ADAM19: variants seen among roughly 807,000 people sequenced by gnomAD.
ADAM19 encodes the protein ADAM metallopeptidase domain 19, also known as disintegrin and metalloproteinase domain-containing protein 19.
Under a neutral mutation model 114.7 loss-of-function variants are expected in ADAM19, and 65 were observed. That is an observed-to-expected ratio of 0.57 (90% CI 0.46 to 0.70). The LOEUF (loss-of-function observed/expected upper bound fraction) is 0.70, where lower values mean the gene tolerates loss of function less well. ADAM19 is among the 30% of genes least tolerant of loss of function. The pLI, the probability that ADAM19 is intolerant of heterozygous loss-of-function variation, is 0.00. For synonymous variants in ADAM19, 466 were observed against 460.5 expected, an observed-to-expected ratio of 1.01 and a Z score of -0.15; for missense variants, 1,063 against 1,204.7, an observed-to-expected ratio of 0.88 and a Z score of 1.74.
chr5:157,492,833 T>A, intron 16 of ADAM19, 140 bp downstream of exon 16: 1 of 836,022 alleles, frequency 1.2e-6, no homozygotes, highest in Non-Finnish European at 1.9e-6. Flanking sequence ...GCTGTCACTA[T>A]ACACGCTTCA....
intron 8 of ADAM19, among the ~76,000 whole-genome samples, chr5:157,510,957 G>A (rs896669371): frequency 2.0e-5 from 3 of 152,198 alleles, no homozygotes; most frequent in Non-Finnish European, 2.9e-5. Flanking sequence ...ATAGACTACA[G>A]ACGTTCTTGG....
rs762651786 is a variant in ADAM19 at position 157,509,450 on chromosome 5, G to A, written c.756C>T (p.Asn252=). 12 of 1,599,632 alleles carry A rather than the reference G, an allele frequency of 7.5e-6. No individual in the cohort carries two copies. The South Asian group carries it at 1.4e-4, about 18-fold the overall frequency. The change falls in exon 9 of 23, where the codon AAC becomes AAT. Residue 252 remains asparagine (N), a synonymous_variant. Transcript: ENST00000257527. ...CCAAGCCCACGAGAGCAATCCGGAT[G>A]TTCAAGGATCGGTAAAACTGAAAGG... The part of the protein sequence containing the change: ...NYVDKFYRSL[N]IRIALVGLEV...
At chr5:157,487,666 G>GCA (rs1754987550) in intron 21 of ADAM19, among the ~76,000 whole-genome samples, 5 of 144,616 alleles carry the variant, frequency 3.5e-5, no homozygotes, top group Non-Finnish European at 7.6e-5. Context: ...CAGGGCTGGT[G>GCA]GGGGAGAGTC....
chr5:157,545,779 C>T (rs1757032223), intron 3 of ADAM19, among the ~76,000 whole-genome samples: 1 of 152,160 alleles, frequency 6.6e-6, no homozygotes, highest in Admixed American at 6.5e-5. Flanking sequence ...AGAGTTGGGC[C>T]ATCCAGACAC....
chr5:157,487,612 G>A (rs189663444), intron 21 of ADAM19, among the ~76,000 whole-genome samples: 244 of 152,346 alleles, frequency 1.6e-3, no homozygotes, highest in Admixed American at 2.9e-3. Context: ...GCACACACAC[G>A]CAGTGGGAAC....
intron 1 of ADAM19, 133 bp from the exon 2 acceptor site, chr5:157,571,113 T>A (rs1308842624): frequency 1.2e-5 from 8 of 682,204 alleles, no homozygotes; most frequent in African/African-American, 1.8e-5. Flanking sequence ...TCTTGGCACT[T>A]CCTAGGAACT....
At chr5:157,552,065 C>T (rs540846487) in intron 3 of ADAM19, among the ~76,000 whole-genome samples, 84 of 152,216 alleles carry the variant, frequency 5.5e-4, no homozygotes, top group Admixed American at 1.8e-3. Flanking sequence ...GCTCAAGAAT[C>T]GCTTGAACCC....
At chr5:157,558,312 C>A (rs893005190) in intron 3 of ADAM19, among the ~76,000 whole-genome samples, 8 of 152,220 alleles carry the variant, frequency 5.3e-5, no homozygotes, top group African/African-American at 1.9e-4. Context: ...CACCTGTCTC[C>A]CCGGGTTATA....
chr5:157,495,936 T>TTC (rs1347077444), intron 14 of ADAM19, among the ~76,000 whole-genome samples: 6 of 44,638 alleles, frequency 1.3e-4, no homozygotes, highest in South Asian at 1.4e-3. Flanking sequence ...GCCCAGTCTT[T>TTC]TTTTTTTTTT....
intron 3 of ADAM19, among the ~76,000 whole-genome samples, chr5:157,549,217 A>G (rs1180215613): frequency 1.3e-5 from 2 of 152,226 alleles, no homozygotes; most frequent in East Asian, 3.8e-4. Flanking sequence ...TTCCCTGACC[A>G]CATGGGTCTG....
At chr5:157,483,571 C>T (rs1754831168) in intron 21 of ADAM19, among the ~76,000 whole-genome samples, 1 of 151,550 alleles carries the variant, frequency 6.6e-6, no homozygotes, top group African/African-American at 2.4e-5. Flanking sequence ...AGGAAGGATA[C>T]AGACCAAAGA....
Position 157,498,688 on chromosome 5 carries a change from G to GTGTATATATATATATA in ADAM19, c.1398+884_1398+885insTATATATATATATACA, listed in dbSNP as rs143445264. 2.8e-5 allele frequency among the ~76,000 whole-genome samples: 4 copies of GTGTATATATATATATA among 143,862 alleles called. No homozygotes were observed. The East Asian group carries it at 9.0e-4, about 32-fold the overall frequency. The allele number at this position is 143,862 out of a possible 152,430, so 94.4% of individuals were successfully genotyped here. ...CATATATAATTACACATGTGTGTAT[G>GTGTATATATATATATA]TATATATATATATATATATATATGG... On this transcript the variant is annotated intron_variant, in intron 13 of 22. Coordinates refer to ENST00000257527, the MANE Select transcript of ADAM19 (RefSeq NM_033274.5).
chr5:157,534,499 G>C (rs1291052488), intron 4 of ADAM19, among the ~76,000 whole-genome samples: 1 of 151,800 alleles, frequency 6.6e-6, no homozygotes, highest in African/African-American at 2.4e-5. Context: ...AAAACAATAA[G>C]AGCTAACATC....
chr5:157,484,784 T>C (rs576066768), intron 21 of ADAM19, among the ~76,000 whole-genome samples: 1 of 152,332 alleles, frequency 6.6e-6, no homozygotes, highest in African/African-American at 2.4e-5. Context: ...ATAGAGACCT[T>C]CTGGGGCAGG....
intron 5 of ADAM19, among the ~76,000 whole-genome samples, chr5:157,524,877 CATTG>C (rs1316164982): frequency 1.3e-5 from 2 of 152,188 alleles, no homozygotes; most frequent in Admixed American, 6.5e-5. Flanking sequence ...AGCTAACGGT[CATTG>C]ATTGTGTATT....
intron 21 of ADAM19, among the ~76,000 whole-genome samples, chr5:157,483,872 A>G (rs1754841715): frequency 6.6e-6 from 1 of 151,740 alleles, no homozygotes; most frequent in Non-Finnish European, 1.5e-5. Context: ...ACCTCAGGTG[A>G]TCTGCCTGCC....
chr5:157,494,609 T>C (rs1755294285), intron 15 of ADAM19, 78 bp downstream of exon 15: 1 of 1,220,664 alleles, frequency 8.2e-7, no homozygotes, highest in African/African-American at 1.5e-5. Flanking sequence ...GTCACACTGC[T>C]GAGTTGGGCA....
At chr5:157,508,949 C>A (rs187114149) in intron 9 of ADAM19, among the ~76,000 whole-genome samples, 1 of 152,222 alleles carries the variant, frequency 6.6e-6, no homozygotes, top group Non-Finnish European at 1.5e-5. Context: ...TAGAACAAAG[C>A]GCCAGGAAGA....
intron 13 of ADAM19, 71 bp from the exon 14 acceptor site, chr5:157,497,160 A>C: frequency 8.3e-6 from 11 of 1,331,766 alleles, no homozygotes; most frequent in Non-Finnish European, 1.1e-5. Context: ...CCAAGGGCTC[A>C]TAAGGATCAC....
Sources: gnomAD v4.1 joint callset for allele counts (sites outside exome capture counted in the v4.1 genomes callset) on GRCh38, gnomAD v4.1.1 for gene constraint, MANE v1.5 for transcripts, NCBI Gene and HGNC (gene_info 2026-07-23, HGNC 2026-07-21) for gene names.